The following LTBP1 variants were observed in gnomAD, a reference collection of about 807,000 sequenced individuals.
LTBP1 encodes latent-transforming growth factor beta-binding protein 1.
LTBP1 carries 129 observed loss-of-function variants against 207.6 expected under a neutral mutation model. That is an observed-to-expected ratio of 0.62 (90% CI 0.54 to 0.72). LTBP1 has a LOEUF of 0.72. Ranked by LOEUF, LTBP1 falls within the 30% of genes least tolerant of loss-of-function variation. The pLI is 0.00. For synonymous variants in LTBP1, 963 were observed against 833.7 expected (o/e 1.16, Z -2.67); for missense variants, 2,281 against 2,217.2 (o/e 1.03, Z -0.58).
intron 15 of LTBP1, among the ~76,000 whole-genome samples, chr2:33,272,405 T>G (rs778522509): frequency 3.9e-5 from 6 of 152,220 alleles, no homozygotes; most frequent in Non-Finnish European, 5.9e-5. Context: ...CTTGGCCTCA[T>G]TCATACCAGC....
chr2:33,084,951 C>T (rs751659929), intron 3 of LTBP1, among the ~76,000 whole-genome samples: 14 of 152,166 alleles, frequency 9.2e-5, no homozygotes, highest in African/African-American at 2.7e-4. Flanking sequence ...TCTTAATCCT[C>T]GAACCTGTGA....
In LTBP1 at chr2:33,188,666, C is replaced by G. The variant is rs370341339; in HGVS notation, c.1516C>G (p.Pro506Ala). The G allele has an allele frequency of 3.1e-6, 5 of 1,614,074 alleles. No homozygotes were observed. The highest frequency in any genetic ancestry group is 4.2e-6 in the Non-Finnish European group (5 of 1,180,024). The change falls in exon 7 of 34, where the codon CCA becomes GCA. Residue 506 changes from proline to alanine, a missense_variant. Physicochemically the swap from Pro to Ala is conservative, Grantham distance 27. Transcript: ENST00000404816. Reference sequence around the variant, plus strand: ...ACATCAGGTTTCAAGAATTGATGGCCCAACAGGCCAGAAGACAAAAGAAGC... The same window carrying G: ...ACATCAGGTTTCAAGAATTGATGGCGCAACAGGCCAGAAGACAAAAGAAGC... ...QIHQVSRIDG[P>A]TGQKTKEAQP...
intron 2 of LTBP1, among the ~76,000 whole-genome samples, chr2:32,982,920 T>C (rs542282848): frequency 2.6e-5 from 4 of 152,326 alleles, no homozygotes; most frequent in African/African-American, 9.6e-5. Context: ...AAGGGAAATG[T>C]GGGGTTGGAG....
chr2:33,134,330 G>C lies in LTBP1; in HGVS notation c.1034-463G>C, dbSNP rs2081991417. The C allele has an allele frequency of 9.2e-6, 4 of 433,860 alleles. No individual in the cohort carries two copies. The highest frequency in any genetic ancestry group is 1.9e-5 in the Non-Finnish European group (4 of 212,784). The allele number at this position is 433,860 out of a possible 1,614,324, so 26.9% of individuals were successfully genotyped here. A position where few individuals can be genotyped will look rare whatever the true frequency, so the allele number is the denominator to read the frequency against. On this transcript the variant is annotated intron_variant, in intron 4 of 33. Coordinates refer to ENST00000404816, the MANE Select transcript of LTBP1 (RefSeq NM_206943.4). This position sits in a 1 kb window ranked among gnomAD's most constrained non-coding sequence, Gnocchi z 4.4. ...TTCCAGGGGTCGGGCTGCAAATAGT[G>C]ACTTAATAAGTGGAGAAACAGGGAA...
chr2:33,185,251 T>A (rs758055744), intron 5 of LTBP1, among the ~76,000 whole-genome samples: 13 of 152,106 alleles, frequency 8.5e-5, no homozygotes, highest in Non-Finnish European at 1.9e-4. Flanking sequence ...ACATCTTTGG[T>A]GAATGTTCAG....
chr2:33,215,671 C>T (rs1256873458), intron 7 of LTBP1, among the ~76,000 whole-genome samples: 1 of 151,662 alleles, frequency 6.6e-6, no homozygotes, highest in African/African-American at 2.4e-5. Flanking sequence ...ACACTCTGCT[C>T]ACTAGCCTGG....
chr2:33,080,032 G>T (rs56239806), intron 3 of LTBP1, among the ~76,000 whole-genome samples: 11,978 of 151,922 alleles, frequency 0.079, 599 homozygotes, highest in Non-Finnish European at 0.1. Flanking sequence ...GTTTTGTTTT[G>T]TTTTGTTTTT....
chr2:33,304,842 A>C (rs914184214), intron 22 of LTBP1, among the ~76,000 whole-genome samples: 2 of 152,202 alleles, frequency 1.3e-5, no homozygotes, highest in Admixed American at 1.3e-4. Flanking sequence ...AAAAGGTGGA[A>C]AGGTGGGATA....
At chr2:33,383,895 AAC>A (rs2150450742) in intron 31 of LTBP1, among the ~76,000 whole-genome samples, 1 of 152,354 alleles carries the variant, frequency 6.6e-6, no homozygotes, top group Admixed American at 6.5e-5. Context: ...ATTTGAAAAT[AAC>A]ACAGTTCAAA....
At chr2:33,014,663 T>C (rs775321629) in intron 2 of LTBP1, among the ~76,000 whole-genome samples, 19 of 152,156 alleles carry the variant, frequency 1.2e-4, no homozygotes, top group Non-Finnish European at 2.6e-4. Flanking sequence ...TTTTTTAGAA[T>C]TAAAAACAGT....
intron 28 of LTBP1, among the ~76,000 whole-genome samples, chr2:33,363,139 T>G (rs59271973): frequency 0.12 from 18,975 of 152,204 alleles, 1,942 homozygotes; most frequent in African/African-American, 0.28. Flanking sequence ...GAAACCATAT[T>G]TACAAATACA....
chr2:32,968,194 C>A (rs1231023377), intron 2 of LTBP1, among the ~76,000 whole-genome samples: 3 of 152,002 alleles, frequency 2.0e-5, no homozygotes, highest in African/African-American at 7.3e-5. Flanking sequence ...TCTTGAGCTC[C>A]TTATCAGGTG....
At chr2:33,328,908 A>G (rs1196118007) in intron 24 of LTBP1, among the ~76,000 whole-genome samples, 1 of 152,162 alleles carries the variant, frequency 6.6e-6, no homozygotes, top group Non-Finnish European at 1.5e-5. Flanking sequence ...ATACTACATT[A>G]TGTATCCATT....
At chr2:33,396,436 G>A (rs2095358943) in intron 32 of LTBP1, among the ~76,000 whole-genome samples, 1 of 152,228 alleles carries the variant, frequency 6.6e-6, no homozygotes, top group Admixed American at 6.5e-5. Context: ...TGGCCACGCT[G>A]GTCTTGAACT....
intron 3 of LTBP1, among the ~76,000 whole-genome samples, chr2:33,078,316 T>G (rs986821742): frequency 6.6e-6 from 1 of 152,202 alleles, no homozygotes. Context: ...AGGGTGGAGT[T>G]GACAGAATTT....
intron 2 of LTBP1, among the ~76,000 whole-genome samples, chr2:32,973,508 G>T (rs1681237955): frequency 6.6e-6 from 1 of 151,820 alleles, no homozygotes; most frequent in Admixed American, 6.6e-5. Flanking sequence ...CATGATATAG[G>T]CATGCAATGC....
chr2:33,188,427 C>CAAAAAAAAA (rs577171233), intron 6 of LTBP1, 150 bp from the exon 7 acceptor site: 10,696 of 345,582 alleles, frequency 0.031, 108 homozygotes, highest in Middle Eastern at 0.045. Context: ...AACTCCATCT[C>CAAAAAAAAA]AAAAAAAAAA....
At chr2:33,250,056 C>T (rs1475728018) in intron 10 of LTBP1, among the ~76,000 whole-genome samples, 1 of 152,118 alleles carries the variant, frequency 6.6e-6, no homozygotes, top group Non-Finnish European at 1.5e-5. Flanking sequence ...CAGACAATAA[C>T]AACACCAATC....
At chr2:33,287,789 AT>A (rs916188858) in intron 19 of LTBP1, among the ~76,000 whole-genome samples, 4 of 152,210 alleles carry the variant, frequency 2.6e-5, no homozygotes, top group Admixed American at 6.5e-5. Context: ...ACTACCACAT[AT>A]TTTAACTTCA....
Sources: allele counts gnomAD v4.1 joint callset (sites outside exome capture counted in the v4.1 genomes callset), GRCh38; gene constraint gnomAD v4.1.1; non-coding constraint Gnocchi (gnomAD v3.1); transcripts MANE v1.5; gene names NCBI Gene and HGNC (gene_info 2026-07-23, HGNC 2026-07-21).